The following MEF2C variants were observed in gnomAD, a reference collection of about 807,000 sequenced individuals.
The protein encoded by MEF2C is myocyte enhancer factor 2C.
A neutral mutation model predicts 50.5 loss-of-function variants in MEF2C; 6 were observed. The observed-to-expected ratio is 0.12, with a 90% confidence interval of 0.07 to 0.23. The LOEUF is 0.23. Ranked by LOEUF, MEF2C falls within the 10% of genes least tolerant of loss-of-function variation. The pLI is 1.00. For missense variants in MEF2C, 276 were observed against 605.0 expected (o/e 0.46, Z 5.70); for synonymous variants, 183 against 228.0 (o/e 0.80, Z 1.78).
chr5:88,885,824 C>T (rs1212296881), upstream of MEF2C, among the ~76,000 whole-genome samples: 3 of 152,200 alleles, frequency 2.0e-5, no homozygotes, highest in Admixed American at 2.0e-4. Flanking sequence ...ATAGCCAATA[C>T]ATGAATTTCA....
intron 1 of MEF2C, among the ~76,000 whole-genome samples, chr5:88,849,516 A>ACAT (rs2153376639): frequency 6.6e-6 from 1 of 152,364 alleles, no homozygotes; most frequent in South Asian, 2.1e-4. Context: ...AAAAGTTTGA[A>ACAT]CATATTTATT....
At chr5:88,861,694 A>G (rs1450354741) in intron 1 of MEF2C, among the ~76,000 whole-genome samples, 7 of 152,210 alleles carry the variant, frequency 4.6e-5, no homozygotes, top group Admixed American at 4.6e-4. Flanking sequence ...CTTGCAAAGT[A>G]ATCATTTTTA....
chr5:88,860,028 C>G (rs1442913750), intron 1 of MEF2C, among the ~76,000 whole-genome samples: 1 of 151,982 alleles, frequency 6.6e-6, no homozygotes, highest in Non-Finnish European at 1.5e-5. Flanking sequence ...GTATAAATTT[C>G]CTTTAGGTAA....
At chr5:88,825,134 T>C (rs1234132685) in intron 1 of MEF2C, among the ~76,000 whole-genome samples, 4 of 151,948 alleles carry the variant, frequency 2.6e-5, no homozygotes, top group Admixed American at 2.0e-4. Context: ...GCCAATGTCC[T>C]GGCTATTTAA....
chr5:88,734,560 AGTTTGTTTT>A (rs1158822884), intron 6 of MEF2C: 4 of 535,530 alleles, frequency 7.5e-6, no homozygotes, highest in Non-Finnish European at 8.8e-6. Context: ...CCTTGAGAAA[AGTTTGTTTT>A]TTTTTTTTTT....
At chr5:88,840,989 G>A (rs1056194249) in intron 1 of MEF2C, among the ~76,000 whole-genome samples, 14 of 152,094 alleles carry the variant, frequency 9.2e-5, no homozygotes, top group South Asian at 4.1e-4. Flanking sequence ...TAATACTCAC[G>A]CCCTGAACTT....
At position 88,722,727 on chromosome 5, in the gene MEF2C, C is replaced by G. The variant is rs771241026; in HGVS notation, c.1299G>C (p.Gly433=). The change falls in exon 11 of 11, where the codon GGG becomes GGC. Residue 433 remains glycine, a synonymous_variant. Transcript: ENST00000504921. ...SLSSCSSSYD[G]SDREDHRNEF... ...CGTTCCGGTGATCCTCTCGGTCGCT[C>G]CCGTCGTACGAACTGCTACAGCTGC... 2.7e-5 allele frequency: 43 copies of G among 1,613,850 alleles called. No individual in the cohort carries two copies. The highest frequency in any genetic ancestry group is 3.6e-5 in the Non-Finnish European group (42 of 1,179,910).
At chr5:88,761,859 A>G (rs1349100688) in intron 3 of MEF2C, 1 of 152,968 alleles carries the variant, frequency 6.5e-6, no homozygotes, top group Non-Finnish European at 1.5e-5. Flanking sequence ...GAACACAGCT[A>G]ATATCCCCAC....
intron 6 of MEF2C, chr5:88,736,977 C>T (rs533461232): frequency 1.0e-6 from 1 of 985,084 alleles, no homozygotes; most frequent in African/African-American, 1.7e-5. Flanking sequence ...TCAGCCCACA[C>T]TGAATTCACT....
chr5:88,737,961 C>G, intron 6 of MEF2C: 1 of 985,202 alleles, frequency 1.0e-6, no homozygotes, highest in Non-Finnish European at 1.2e-6. Flanking sequence ...AAAGGAGAGA[C>G]AAAAGGGGGT....
At chr5:88,731,422 G>A (rs751586818) in intron 7 of MEF2C, 11 of 269,212 alleles carry the variant, frequency 4.1e-5, no homozygotes, top group South Asian at 2.2e-4. Context: ...GAGATTGACC[G>A]ATGGTAGTGT....
chr5:88,817,105 G>A (rs367776673), intron 2 of MEF2C, among the ~76,000 whole-genome samples: 14 of 151,866 alleles, frequency 9.2e-5, no homozygotes, highest in African/African-American at 2.7e-4. Flanking sequence ...GGAATTCACC[G>A]AAAAATTATT....
chr5:88,867,629 AATAAT>A (rs1387362417), intron 1 of MEF2C, among the ~76,000 whole-genome samples: 3 of 152,212 alleles, frequency 2.0e-5, no homozygotes, highest in African/African-American at 4.8e-5. Flanking sequence ...CTTTCAAATT[AATAAT>A]ATAAGCTTTT....
At chr5:88,743,282 C>G (rs1328317875) in intron 6 of MEF2C, 5 of 984,964 alleles carry the variant, frequency 5.1e-6, no homozygotes, top group Non-Finnish European at 6.0e-6. Flanking sequence ...CTTGTTAAAG[C>G]CAACTTTTTA....
At chr5:88,846,220 A>G (rs1210900579) in intron 1 of MEF2C, among the ~76,000 whole-genome samples, 1 of 152,028 alleles carries the variant, frequency 6.6e-6, no homozygotes, top group African/African-American at 2.4e-5. Context: ...GGTGCCCGCC[A>G]CCACGCCAGG....
At chr5:88,885,058 A>ACAG (rs1833926487), upstream of MEF2C, among the ~76,000 whole-genome samples, 2 of 142,896 alleles carry the variant, frequency 1.4e-5, no homozygotes, top group East Asian at 4.1e-4. Flanking sequence ...AGATTAGACA[A>ACAG]TAGTATATTG....
intron 2 of MEF2C, among the ~76,000 whole-genome samples, chr5:88,812,111 A>G (rs1803101975): frequency 6.6e-6 from 1 of 152,154 alleles, no homozygotes; most frequent in Non-Finnish European, 1.5e-5. Context: ...TCCTTGAAAC[A>G]TACTGTAAAA....
chr5:88,877,984 T>C (rs1474320018), intron 1 of MEF2C: 2 of 152,050 alleles, frequency 1.3e-5, no homozygotes. Flanking sequence ...ATGTGGCTCT[T>C]GTGGGAAAGG....
chr5:88,844,591 C>T (rs1451548073), intron 1 of MEF2C: 6 of 783,468 alleles, frequency 7.7e-6, no homozygotes, highest in Non-Finnish European at 9.3e-6. Flanking sequence ...AAATATACTG[C>T]TATTTGTAGT....
Sources: gnomAD v4.1 joint callset for allele counts (sites outside exome capture counted in the v4.1 genomes callset) on GRCh38, gnomAD v4.1.1 for gene constraint, MANE v1.5 for transcripts, NCBI Gene and HGNC (gene_info 2026-07-23, HGNC 2026-07-21) for gene names.